Variants in MMP26 observed in about 807,000 individuals in gnomAD.
The protein encoded by MMP26 is matrix metalloproteinase-26.
A neutral mutation model predicts 31.0 loss-of-function variants in MMP26; 33 were observed. The observed-to-expected ratio is 1.06, with a 90% confidence interval of 0.81 to 1.42. MMP26 has a LOEUF of 1.42. Among genes scored for constraint, MMP26 ranks in the 40% most tolerant of loss-of-function variants. The pLI is 0.00. For synonymous variants in MMP26, 122 were observed against 114.9 expected (o/e 1.06, Z -0.40); for missense variants, 347 against 316.1 (o/e 1.10, Z -0.74).
rs911742790 is a variant in MMP26 at position 4,952,497 on chromosome 11, C to T, written c.-144-35571C>T. 1.6e-4 allele frequency among the ~76,000 whole-genome samples: 20 copies of T among 125,696 alleles called. 4 individuals are homozygous for T. Among genetic ancestry groups the T allele is most frequent in the African/African-American group, 5.4e-4 (20 of 36,986 alleles). The allele number at this position is 125,696 out of a possible 152,430, so 82.5% of individuals were successfully genotyped here. On this transcript the variant is annotated intron_variant, in intron 2 of 7. Transcript: ENST00000380390. Reference sequence around the variant, plus strand: ...GAAAAGGCAGATGGATATAGTTACGCACCTTGAACACAGAAGCAGTTCTTG... The same window carrying T: ...GAAAAGGCAGATGGATATAGTTACGTACCTTGAACACAGAAGCAGTTCTTG...
intron 2 of MMP26, chr11:4,875,415 T>A (rs937305467): frequency 6.6e-6 from 1 of 152,110 alleles, no homozygotes; most frequent in African/African-American, 2.4e-5. Flanking sequence ...TAACAGTTCT[T>A]TAGATCAGAA....
chr11:4,888,938 G>A lies in MMP26; in HGVS notation c.-144-99130G>A, dbSNP rs188326634. Among the ~76,000 whole-genome samples, 3 of 152,260 alleles carry A rather than the reference G, an allele frequency of 2.0e-5. No homozygotes were observed. In the East Asian group the frequency reaches 5.8e-4, roughly 29 times the overall value. ...TTGGGGTGATATCCTTTAATCTTCA[G>A]CTCCTTGGTATTCCTTGTCTGCAAG... On this transcript the variant is annotated intron_variant, in intron 2 of 7. Coordinates refer to ENST00000380390, the MANE Select transcript of MMP26 (RefSeq NM_021801.5).
intron 2 of MMP26, among the ~76,000 whole-genome samples, chr11:4,888,322 T>C (rs1850571175): frequency 6.6e-6 from 1 of 152,136 alleles, no homozygotes; most frequent in Non-Finnish European, 1.5e-5. Context: ...TTTAGTTGGC[T>C]ATTTTCTTTT....
At chr11:4,886,246 G>A (rs1850544166) in intron 2 of MMP26, among the ~76,000 whole-genome samples, 1 of 151,964 alleles carries the variant, frequency 6.6e-6, no homozygotes, top group African/African-American at 2.4e-5. Context: ...CCTTGTGTTG[G>A]CCAACTGTAG....
chr11:4,732,498 T>C (rs577193324), intron 1 of MMP26, among the ~76,000 whole-genome samples: 101 of 150,286 alleles, frequency 6.7e-4, no homozygotes, highest in Admixed American at 1.7e-3. Context: ...CTGTACTTAA[T>C]GTGTTACTTG....
chr11:4,981,231 T>A (rs1846808774), intron 2 of MMP26, among the ~76,000 whole-genome samples: 1 of 152,124 alleles, frequency 6.6e-6, no homozygotes, highest in African/African-American at 2.4e-5. Context: ...CATATAGGTG[T>A]GTTTGTGTGC....
chr11:4,895,167 C>T (rs763787576), intron 2 of MMP26, among the ~76,000 whole-genome samples: 17 of 152,126 alleles, frequency 1.1e-4, no homozygotes, highest in Non-Finnish European at 2.4e-4. Context: ...TTACTACTAA[C>T]AAGTATTAAA....
At chr11:4,911,929 AC>A (rs754312150) in intron 2 of MMP26, among the ~76,000 whole-genome samples, 49 of 152,270 alleles carry the variant, frequency 3.2e-4, no homozygotes, top group Non-Finnish European at 5.7e-4. Context: ...ACACTCAACA[AC>A]TTTTTTTTAC....
chr11:4,980,854 GAGA>G (rs1846803220), intron 2 of MMP26, among the ~76,000 whole-genome samples: 2 of 150,560 alleles, frequency 1.3e-5, no homozygotes, highest in Non-Finnish European at 2.9e-5. Flanking sequence ...CTGTTTTAAT[GAGA>G]AGTACAATGA....
chr11:4,893,958 G>A (rs1458009926), intron 2 of MMP26, among the ~76,000 whole-genome samples: 1 of 151,502 alleles, frequency 6.6e-6, no homozygotes, highest in Non-Finnish European at 1.5e-5. Flanking sequence ...AAAAAACAAA[G>A]TAATATCCTT....
At chr11:4,955,910 T>A (rs990972924) in intron 2 of MMP26, among the ~76,000 whole-genome samples, 2 of 152,224 alleles carry the variant, frequency 1.3e-5, no homozygotes, top group Admixed American at 1.3e-4. Flanking sequence ...AGATGGGTAA[T>A]ACTTTAGAGT....
At chr11:4,705,618 G>A (rs577512548) in intron 1 of MMP26, among the ~76,000 whole-genome samples, 1 of 152,316 alleles carries the variant, frequency 6.6e-6, no homozygotes, top group South Asian at 2.1e-4. Flanking sequence ...AACTGTTTAA[G>A]AAGAGTTTAA....
chr11:4,837,456 C>A (rs1849734492), intron 2 of MMP26, among the ~76,000 whole-genome samples: 2 of 152,136 alleles, frequency 1.3e-5, no homozygotes. Flanking sequence ...AAGCAATTCT[C>A]TTGCCTCAGC....
chr11:4,825,234 T>A (rs2133475618), intron 2 of MMP26, among the ~76,000 whole-genome samples: 1 of 152,274 alleles, frequency 6.6e-6, no homozygotes, highest in Admixed American at 6.5e-5. Context: ...TCTCAAGATT[T>A]GAAGACTTAT....
intron 2 of MMP26, among the ~76,000 whole-genome samples, chr11:4,892,993 G>A (rs930282903): frequency 1.3e-5 from 2 of 151,778 alleles, no homozygotes; most frequent in African/African-American, 4.8e-5. Flanking sequence ...TTAACCATCC[G>A]GCTTTGGAAG....
At chr11:4,910,034 A>G (rs1850965686) in intron 2 of MMP26, among the ~76,000 whole-genome samples, 1 of 152,112 alleles carries the variant, frequency 6.6e-6, no homozygotes, top group African/African-American at 2.4e-5. Context: ...GTGGCTTAAA[A>G]CAATACAAAT....
intron 2 of MMP26, among the ~76,000 whole-genome samples, chr11:4,895,546 C>G (rs1850687053): frequency 6.6e-6 from 1 of 152,176 alleles, no homozygotes; most frequent in African/African-American, 2.4e-5. Context: ...TTTTCTCTAA[C>G]CGTGAATAAA....
At chr11:4,929,391 T>A (rs1278301114) in intron 2 of MMP26, among the ~76,000 whole-genome samples, 1 of 152,108 alleles carries the variant, frequency 6.6e-6, no homozygotes, top group Non-Finnish European at 1.5e-5. Flanking sequence ...AAAATGTTTG[T>A]CAGCAGGTAC....
At chr11:4,822,515 T>G (rs1849524630) in intron 2 of MMP26, 1 of 768,530 alleles carries the variant, frequency 1.3e-6, no homozygotes, top group Admixed American at 4.1e-5. Flanking sequence ...ATTTAGTCAA[T>G]TTCTTTGTCA....
Sources: gnomAD v4.1 joint callset for allele counts (sites outside exome capture counted in the v4.1 genomes callset) on GRCh38, gnomAD v4.1.1 for gene constraint, MANE v1.5 for transcripts, NCBI Gene and HGNC (gene_info 2026-07-23, HGNC 2026-07-21) for gene names.